The following HENMT1 variants were observed in gnomAD, a reference collection of about 807,000 sequenced individuals.
HENMT1 encodes the protein small RNA 2'-O-methyltransferase.
Under a neutral mutation model 31.1 loss-of-function variants are expected in HENMT1, and 27 were observed. The observed-to-expected ratio is 0.87, with a 90% CI of 0.64 to 1.20. The LOEUF (loss-of-function observed/expected upper bound fraction) is 1.20, where lower values mean the gene tolerates loss of function less well. Among genes scored for constraint, HENMT1 ranks in the 50% most tolerant of loss-of-function variants. The pLI is 0.00. For synonymous variants in HENMT1, 167 were observed against 172.2 expected, an observed-to-expected ratio of 0.97 and a Z score of 0.24; for missense variants, 438 against 469.6, an observed-to-expected ratio of 0.93 and a Z score of 0.62.
chr1:108,658,756 T>C (rs1658347114), intron 2 of HENMT1, among the ~76,000 whole-genome samples: 1 of 152,228 alleles, frequency 6.6e-6, no homozygotes, highest in Non-Finnish European at 1.5e-5. Flanking sequence ...AAATTCTTCA[T>C]CTTTGCAATG....
In HENMT1 at chr1:108,661,063, G is replaced by A. The variant is rs1306243884; in HGVS notation, c.-179C>T. On this transcript the variant is annotated 5_prime_UTR_variant, in exon 1 of 8. Transcript: ENST00000651461. The stretch of plus-strand genomic sequence containing the variant: ...AACAAAGCTCGTCGCGGAGCCGCCA[G>A]CGTCCTCAACTCAGCGCCGCCCTGA... The A allele has an allele frequency of 3.2e-6, 3 of 944,936 alleles. No homozygotes were observed. The South Asian group carries it at 1.5e-4, about 46-fold the overall frequency. The allele number at this position is 944,936 out of a possible 1,614,324, so 58.5% of individuals were successfully genotyped here. A position where few individuals can be genotyped will look rare whatever the true frequency, so the allele number is the denominator to read the frequency against.
In HENMT1 at chr1:108,652,183, T is replaced by C. The variant is rs114136812; in HGVS notation, c.399-974A>G. Reference sequence around the variant, plus strand: ...TTATAGCTAAATTTTAAAATAGCTATAGAAAGACATTACTGGAACAAATGA... The same window carrying C: ...TTATAGCTAAATTTTAAAATAGCTACAGAAAGACATTACTGGAACAAATGA... On this transcript the variant is annotated intron_variant, in intron 5 of 7. Coordinates refer to ENST00000651461, the MANE Select transcript of HENMT1 (RefSeq NM_001102592.2). 6.2e-3 allele frequency among the ~76,000 whole-genome samples: 938 copies of C among 152,312 alleles called. 8 individuals are homozygous for C. The highest frequency in any genetic ancestry group is 0.022 in the African/African-American group (896 of 41,568).
chr1:108,653,023 T>C (rs886815532), intron 5 of HENMT1, among the ~76,000 whole-genome samples: 3 of 151,330 alleles, frequency 2.0e-5, no homozygotes, highest in African/African-American at 4.9e-5. Flanking sequence ...CCATTGTGCA[T>C]ATACATCCCT....
At chr1:108,656,765 A>T (rs901202550) in intron 3 of HENMT1, among the ~76,000 whole-genome samples, 1 of 152,210 alleles carries the variant, frequency 6.6e-6, no homozygotes, top group Non-Finnish European at 1.5e-5. Flanking sequence ...CACCCGGCCC[A>T]TTATCATCTA....
chr1:108,651,111 T>G lies in HENMT1; in HGVS notation c.497A>C (p.Glu166Ala), dbSNP rs144705350. 5.2e-4 allele frequency: 846 copies of G among 1,614,024 alleles called. 1 individual carries two copies. The highest frequency in any genetic ancestry group is 6.9e-4 in the Non-Finnish European group (819 of 1,179,868). The stretch of plus-strand genomic sequence containing the variant: ...CACTGATGGAAACAGGGGATTGAAT[T>G]CAGAGTTTGGTGTGCTGATGACAAT... ...SMIVISTPNS[E>A]FNPLFPSVTL... Residue 166 changes from glutamate (E) to alanine (A), a missense_variant, in exon 6 of 8, where the codon GAA (glutamate) becomes GCA (alanine). Coordinates refer to ENST00000651461, the MANE Select transcript of HENMT1 (RefSeq NM_001102592.2).
At chr1:108,654,691 T>C (rs778953225) in intron 5 of HENMT1, 25 bp downstream of exon 5, 17 of 1,611,714 alleles carry the variant, frequency 1.1e-5, no homozygotes, top group African/African-American at 2.7e-5. Flanking sequence ...TGAACAGTTA[T>C]ACAGTGTATC....
chr1:108,650,364 A>G lies in HENMT1; in HGVS notation c.603T>C (p.Tyr201=), dbSNP rs768586323. The G allele has an allele frequency of 1.2e-6, 2 of 1,613,536 alleles. No homozygotes were observed. The highest frequency in any genetic ancestry group is 3.3e-5 in the Admixed American group (2 of 59,872). ...QTWALYVANR[Y]DYSVEFTGVG... ...CACCAGTAAACTCCACAGAGTAATCATAGCGATTTGCCACATATAAAGCCC... is the reference window on the plus strand; with the variant it reads ...CACCAGTAAACTCCACAGAGTAATCGTAGCGATTTGCCACATATAAAGCCC... The change falls in exon 7 of 8, where the codon TAT becomes TAC. Residue 201 remains tyrosine, a synonymous_variant. Transcript: ENST00000651461.
intron 5 of HENMT1, among the ~76,000 whole-genome samples, chr1:108,652,729 GGTCA>G (rs1658092386): frequency 1.3e-5 from 2 of 152,078 alleles, no homozygotes; most frequent in South Asian, 4.1e-4. Context: ...CAGATTACGA[GGTCA>G]GGGGTTCAAG....
intron 7 of HENMT1, chr1:108,649,377 G>T (rs1447379702): frequency 2.2e-6 from 1 of 458,986 alleles, no homozygotes; most frequent in South Asian, 1.5e-5. Flanking sequence ...GGGGCAGGAG[G>T]ATTGCTTGAG....
chr1:108,655,430 T>A (rs935060897), intron 4 of HENMT1, among the ~76,000 whole-genome samples, 156 bp downstream of exon 4: 1 of 152,228 alleles, frequency 6.6e-6, no homozygotes, highest in African/African-American at 2.4e-5. Context: ...AATGCAGGTA[T>A]TTTTAGTGTT....
chr1:108,651,081 A>T lies in HENMT1; in HGVS notation c.527T>A (p.Leu176Ter). 1 of 1,613,890 alleles carries T rather than the reference A, an allele frequency of 6.2e-7. No homozygotes were observed. The highest frequency in any genetic ancestry group is 8.5e-7 in the Non-Finnish European group (1 of 1,179,760). ...EFNPLFPSVT[L>*]RDSDHKFEWT... ...CTCAAATTTATGATCTGAATCTCTT[A>T]AGGTCACTGATGGAAACAGGGGATT... is the stretch of plus-strand genomic sequence containing the variant. Residue 176 changes from leucine (L) to a stop codon, truncating the protein, a stop_gained, in exon 6 of 8, where the codon TTA (leucine) becomes TAA (stop). Coordinates refer to ENST00000651461, the MANE Select transcript of HENMT1 (RefSeq NM_001102592.2). LOFTEE classifies it high-confidence loss of function.
At chr1:108,658,045 ATACACACACACACACATATATATG>A (rs1658308030) in intron 2 of HENMT1, among the ~76,000 whole-genome samples, 3 of 112,528 alleles carry the variant, frequency 2.7e-5, no homozygotes, top group African/African-American at 1.3e-4. Flanking sequence ...ACACATATAT[ATACACACACACACACATATATATG>A]TACACACACA....
At chr1:108,659,995 G>A (rs962394578) in intron 1 of HENMT1, 33 bp from the exon 2 acceptor site, 54 of 1,224,824 alleles carry the variant, frequency 4.4e-5, no homozygotes, top group Non-Finnish European at 5.7e-5. Flanking sequence ...TTTGTAAAGC[G>A]ATACCTGAAA....
chr1:108,657,176 A>C (rs779494740), intron 3 of HENMT1, among the ~76,000 whole-genome samples: 8 of 152,278 alleles, frequency 5.3e-5, no homozygotes, highest in Non-Finnish European at 1.2e-4. Flanking sequence ...CAGCCTGAGG[A>C]AACAGCCCCC....
At chr1:108,653,264 C>T (rs1423470862) in intron 5 of HENMT1, among the ~76,000 whole-genome samples, 3 of 152,264 alleles carry the variant, frequency 2.0e-5, no homozygotes, top group Admixed American at 6.5e-5. Context: ...GATCCACCTG[C>T]CTCGGCCTCC....
intron 5 of HENMT1, 95 bp from the exon 6 acceptor site, chr1:108,651,304 C>T (rs754843664): frequency 1.3e-4 from 133 of 994,282 alleles, no homozygotes; most frequent in Non-Finnish European, 1.8e-4. Flanking sequence ...ATCTGTGTAT[C>T]GATTTCTCCC....
intron 3 of HENMT1, 110 bp from the exon 4 acceptor site, chr1:108,655,808 T>C (rs1334301728): frequency 2.1e-6 from 1 of 474,152 alleles, no homozygotes; most frequent in Non-Finnish European, 3.8e-6. Context: ...AATAAAATAA[T>C]GAAAGTATTA....
chr1:108,660,302 C>T (rs1487900525), intron 1 of HENMT1, among the ~76,000 whole-genome samples: 2 of 152,090 alleles, frequency 1.3e-5, no homozygotes, highest in South Asian at 2.1e-4. Flanking sequence ...CTTTTCACTA[C>T]GTCAAACCCT....
At position 108,656,916 on chromosome 1, in the gene HENMT1, G is replaced by A. The variant is rs536309227; in HGVS notation, c.150+535C>T. ...TTTCTTCACATTTGAACCTGACAATGCTGAATTCTGTCTGAGCCCTGTGTT... is the reference window on the plus strand; with the variant it reads ...TTTCTTCACATTTGAACCTGACAATACTGAATTCTGTCTGAGCCCTGTGTT... On this transcript the variant is annotated intron_variant, in intron 3 of 7. Coordinates refer to ENST00000651461, the MANE Select transcript of HENMT1 (RefSeq NM_001102592.2). Among the ~76,000 whole-genome samples, 363 of 152,238 alleles carry A rather than the reference G, an allele frequency of 2.4e-3. 3 individuals are homozygous for A. The highest frequency in any genetic ancestry group is 5.3e-3 in the Admixed American group (81 of 15,292).
Sources: gnomAD v4.1 joint callset for allele counts (sites outside exome capture counted in the v4.1 genomes callset) on GRCh38, gnomAD v4.1.1 for gene constraint, MANE v1.5 for transcripts, NCBI Gene and HGNC (gene_info 2026-07-23, HGNC 2026-07-21) for gene names.